CLIP4: variants seen among roughly 807,000 people sequenced by gnomAD.
The protein encoded by CLIP4 is CAP-Gly domain containing linker protein family member 4.
A neutral mutation model predicts 73.1 loss-of-function variants in CLIP4; 47 were observed. The observed-to-expected ratio is 0.64, with a 90% CI of 0.51 to 0.82. The LOEUF (loss-of-function observed/expected upper bound fraction) is 0.82. CLIP4 is among the 40% of genes least tolerant of loss of function. The probability of loss-of-function intolerance (pLI) is 0.00; values close to 1 mark genes in which losing one functional copy is unlikely to be tolerated. For synonymous variants in CLIP4, 306 were observed against 295.4 expected, an observed-to-expected ratio of 1.04 and a Z score of -0.37; for missense variants, 874 against 852.9, an observed-to-expected ratio of 1.02 and a Z score of -0.31.
At chr2:29,128,724 TTCTC>T (rs1348386417) in intron 2 of CLIP4, among the ~76,000 whole-genome samples, 1 of 152,154 alleles carries the variant, frequency 6.6e-6, no homozygotes, top group African/African-American at 2.4e-5. Context: ...TCACACAAGA[TTCTC>T]TCTCCCTCTT....
intron 4 of CLIP4, 151 bp downstream of exon 4, chr2:29,132,396 A>T (rs1665039837): frequency 1.6e-6 from 1 of 640,520 alleles, no homozygotes; most frequent in Non-Finnish European, 2.7e-6. Flanking sequence ...AGGTCCTTCC[A>T]AAAACCATAT....
intron 1 of CLIP4, among the ~76,000 whole-genome samples, chr2:29,103,869 A>G (rs1197536856): frequency 1.3e-5 from 2 of 152,038 alleles, no homozygotes; most frequent in African/African-American, 4.8e-5. Flanking sequence ...GCCCGCCACC[A>G]TGCCCAGTTA....
intron 15 of CLIP4, among the ~76,000 whole-genome samples, chr2:29,176,251 T>C (rs1020543080): frequency 2.0e-5 from 3 of 151,874 alleles, no homozygotes; most frequent in African/African-American, 7.3e-5. Context: ...GGGGCCAGAG[T>C]TGATTGTGTG....
chr2:29,133,867 G>GC, intron 5 of CLIP4, 51 bp downstream of exon 5: 1 of 1,404,890 alleles, frequency 7.1e-7, no homozygotes, highest in Non-Finnish European at 9.6e-7. Flanking sequence ...CACTTTAGTG[G>GC]TGGCATAAAA....
In CLIP4 at chr2:29,141,774, C is replaced by G. The variant is rs115218544; in HGVS notation, c.649-1935C>G. On this transcript the variant is annotated intron_variant, in intron 6 of 15. Coordinates refer to ENST00000320081, the MANE Select transcript of CLIP4 (RefSeq NM_024692.6). Reference sequence around the variant, plus strand: ...TCTTTTTTTTTAATCCGATTTCCCACTCTATGTCTTTTGAGTGCTGTGTTT... The same window carrying G: ...TCTTTTTTTTTAATCCGATTTCCCAGTCTATGTCTTTTGAGTGCTGTGTTT... Among the ~76,000 whole-genome samples, 770 of 152,022 alleles carry G rather than the reference C, an allele frequency of 5.1e-3. 1 individual carries two copies. Among genetic ancestry groups the G allele is most frequent in the African/African-American group, 0.011 (468 of 41,452 alleles).
intron 14 of CLIP4, among the ~76,000 whole-genome samples, chr2:29,171,770 G>A (rs1264043126): frequency 6.6e-6 from 1 of 151,762 alleles, no homozygotes; most frequent in African/African-American, 2.4e-5. Context: ...TGCCCGCCTC[G>A]GCCTCCCAAA....
Position 29,123,909 on chromosome 2 carries a change from A to G in CLIP4, c.133+2388A>G, listed in dbSNP as rs569050752. Among the ~76,000 whole-genome samples the G allele has an allele frequency of 1.3e-3, 193 of 152,326 alleles. 1 individual carries two copies. The highest frequency in any genetic ancestry group is 3.1e-3 in the Admixed American group (47 of 15,306). On this transcript the variant is annotated intron_variant, in intron 2 of 15. Coordinates refer to ENST00000320081, the MANE Select transcript of CLIP4 (RefSeq NM_024692.6). ...AACTATGTACTGTTCTTGCATAACAATTTTTGGAATCTTTTGCTTTGAAAT... is the reference window on the plus strand; with the variant it reads ...AACTATGTACTGTTCTTGCATAACAGTTTTTGGAATCTTTTGCTTTGAAAT...
At chr2:29,152,914 T>C in intron 9 of CLIP4, 86 bp downstream of exon 9, 1 of 1,469,798 alleles carries the variant, frequency 6.8e-7, no homozygotes, top group South Asian at 1.3e-5. Flanking sequence ...CTTCACTTTT[T>C]TTTGTTAGCC....
chr2:29,158,750 C>T (rs1401280867), intron 11 of CLIP4, among the ~76,000 whole-genome samples: 1 of 152,164 alleles, frequency 6.6e-6, no homozygotes, highest in Non-Finnish European at 1.5e-5. Flanking sequence ...ACCTCGGCCT[C>T]ATCATATCCC....
intron 14 of CLIP4, among the ~76,000 whole-genome samples, chr2:29,171,827 C>CT (rs1425274332): frequency 1.3e-5 from 2 of 152,022 alleles, no homozygotes; most frequent in Non-Finnish European, 2.9e-5. Context: ...CTAGGTTTTA[C>CT]TTTTTTAAAA....
rs558005908 is a variant in CLIP4, at chr2:29,170,271, CA to C, written c.1723+2732del. Among the ~76,000 whole-genome samples the C allele has an allele frequency of 9.2e-5, 14 of 152,134 alleles. No homozygotes were observed. The East Asian group carries it at 2.7e-3, about 29-fold the overall frequency. The stretch of plus-strand genomic sequence containing the variant: ...GATTTCCTTTCTTTTGGATATATAC[CA>C]GCAGTGGAATTGCTGGATTATATGA... On this transcript the variant is annotated intron_variant, in intron 14 of 15. Coordinates refer to ENST00000320081, the MANE Select transcript of CLIP4 (RefSeq NM_024692.6).
Position 29,143,477 on chromosome 2 carries a change from T to C in CLIP4, c.649-232T>C, listed in dbSNP as rs796593720. Among the ~76,000 whole-genome samples, 5 of 152,132 alleles carry C rather than the reference T, an allele frequency of 3.3e-5. No homozygotes were observed. In the Middle Eastern group the frequency reaches 0.01, roughly 310 times the overall value. On this transcript the variant is annotated intron_variant, in intron 6 of 15. Transcript: ENST00000320081. The stretch of plus-strand genomic sequence containing the variant: ...AATTTACTTGTTTAATGTTGTATGG[T>C]CTATCTCTCCCACCAGAATGTAATG...
At chr2:29,105,891 T>C (rs77485466) in intron 1 of CLIP4, among the ~76,000 whole-genome samples, 1 of 152,158 alleles carries the variant, frequency 6.6e-6, no homozygotes, top group South Asian at 2.1e-4. Context: ...AGAACCATGA[T>C]AAATAAATCT....
rs536075300 is a variant in CLIP4, at chr2:29,165,078, G to A, written c.1658+1124G>A. 5.3e-5 allele frequency among the ~76,000 whole-genome samples: 8 copies of A among 152,060 alleles called. No individual in the cohort carries two copies. The South Asian group carries it at 1.7e-3, about 32-fold the overall frequency. On this transcript the variant is annotated intron_variant, in intron 13 of 15. Transcript: ENST00000320081. ...CCTCATTAATTCCCCCAGACCCTGC[G>A]AGCTGTAAGTTATTAGGATCATTCC...
chr2:29,106,269 C>CT (rs1668204900), intron 1 of CLIP4, among the ~76,000 whole-genome samples: 2 of 152,202 alleles, frequency 1.3e-5, no homozygotes, highest in South Asian at 2.1e-4. Flanking sequence ...AGTTTAAGTA[C>CT]TCAGTAAATG....
rs539732439 is a variant in CLIP4, at chr2:29,174,559, C to T, written c.1796+114C>T. ...TGCATTGCTTGGTAGAGTTTTAACA[C>T]GTAGGAGAAAAGGTGTGATAAGTGT... On this transcript the variant is annotated intron_variant, in intron 15 of 15. Coordinates refer to ENST00000320081, the MANE Select transcript of CLIP4 (RefSeq NM_024692.6). 277 of 1,451,108 alleles carry T rather than the reference C, an allele frequency of 1.9e-4. 4 individuals are homozygous for T. The East Asian group carries it at 3.3e-3, about 18-fold the overall frequency. 89.9% of individuals were successfully genotyped at this position (1,451,108 alleles called of 1,614,324 possible).
chr2:29,159,013 C>T (rs1380084518), intron 11 of CLIP4, among the ~76,000 whole-genome samples: 1 of 152,200 alleles, frequency 6.6e-6, no homozygotes, highest in African/African-American at 2.4e-5. Context: ...GATTTCTGAT[C>T]ACAGAGTCTT....
In CLIP4 at chr2:29,174,368, T is replaced by C; in HGVS notation, c.1724-5T>C. ...TCCTCTGCTAACCCCAACTTTCATA[T>C]TTAGGTTTTAGGAGAAGTTTTAGCA... On this transcript the variant is annotated splice_region_variant and splice_polypyrimidine_tract_variant and intron_variant, in intron 14 of 15. Coordinates refer to ENST00000320081, the MANE Select transcript of CLIP4 (RefSeq NM_024692.6). 6.2e-7 allele frequency: 1 copy of C among 1,606,850 alleles called. No homozygotes were observed. The highest frequency in any genetic ancestry group is 8.5e-7 in the Non-Finnish European group (1 of 1,177,730).
intron 6 of CLIP4, among the ~76,000 whole-genome samples, chr2:29,142,765 C>T (rs918998406): frequency 2.0e-5 from 3 of 152,318 alleles, no homozygotes; most frequent in Middle Eastern, 3.4e-3. Context: ...AAAAGTTTCT[C>T]AGTTAACAAA....
Sources: gnomAD v4.1 joint callset for allele counts (sites outside exome capture counted in the v4.1 genomes callset) on GRCh38, gnomAD v4.1.1 for gene constraint, MANE v1.5 for transcripts, NCBI Gene and HGNC (gene_info 2026-07-23, HGNC 2026-07-21) for gene names.